Variants in COL4A1 observed in about 807,000 individuals in gnomAD.
COL4A1 encodes the protein collagen alpha-1(IV) chain.
Under a neutral mutation model 216.6 loss-of-function variants are expected in COL4A1, and 40 were observed. The observed-to-expected ratio is 0.18, with a 90% confidence interval of 0.14 to 0.24. The LOEUF (loss-of-function observed/expected upper bound fraction) is 0.24. Ranked by LOEUF, COL4A1 falls within the 10% of genes least tolerant of loss-of-function variation. COL4A1 has a pLI of 1.00. For missense variants in COL4A1, 1,628 were observed against 2,196.8 expected, an observed-to-expected ratio of 0.74 and a Z score of 5.18; for synonymous variants, 839 against 810.7, an observed-to-expected ratio of 1.03 and a Z score of -0.59.
At chr13:110,261,002 G>C (rs533248864) in intron 1 of COL4A1, among the ~76,000 whole-genome samples, 5 of 128,126 alleles carry the variant, frequency 3.9e-5, no homozygotes, top group Admixed American at 2.9e-4. Context: ...GCGCCACTGC[G>C]CTCCAGCCTG....
chr13:110,218,100 A>T (rs1052689322), intron 2 of COL4A1, among the ~76,000 whole-genome samples: 6 of 152,200 alleles, frequency 3.9e-5, no homozygotes, highest in African/African-American at 1.4e-4. Flanking sequence ...GCTGAAGTTA[A>T]AATAGCATGA....
At chr13:110,230,868 G>C (rs1881021086) in intron 2 of COL4A1, among the ~76,000 whole-genome samples, 1 of 152,198 alleles carries the variant, frequency 6.6e-6, no homozygotes, top group African/African-American at 2.4e-5. Context: ...TGCTCCCAGG[G>C]CTCCTGATGT....
At position 110,175,588 on chromosome 13, in the gene COL4A1, G is replaced by A. The variant is rs16975470; in HGVS notation, c.3059-231C>T. Among the ~76,000 whole-genome samples the A allele has an allele frequency of 5.3e-5, 8 of 152,162 alleles. No individual in the cohort carries two copies. In the East Asian group the frequency reaches 5.8e-4, roughly 11 times the overall value. ...AGCCACGCTAGGAAATGTCTCTCCC[G>A]TCCTTTAAGACCATCATGTTATAAG... On this transcript the variant is annotated intron_variant, in intron 36 of 51. Coordinates refer to ENST00000375820, the MANE Select transcript of COL4A1 (RefSeq NM_001845.6).
At chr13:110,254,076 A>G (rs929081838) in intron 1 of COL4A1, among the ~76,000 whole-genome samples, 4 of 151,986 alleles carry the variant, frequency 2.6e-5, no homozygotes. Context: ...CCCACCCACA[A>G]CCTTTACTGC....
At chr13:110,205,128 C>G (rs1390176273) in intron 17 of COL4A1, among the ~76,000 whole-genome samples, 1 of 151,904 alleles carries the variant, frequency 6.6e-6, no homozygotes, top group Admixed American at 6.5e-5. Context: ...AATCTACTAC[C>G]AAAAAAAGAT....
chr13:110,281,183 T>C (rs1883621723), intron 1 of COL4A1, among the ~76,000 whole-genome samples: 1 of 152,198 alleles, frequency 6.6e-6, no homozygotes. Flanking sequence ...TTTTCTTCTC[T>C]TGGGATAACA....
intron 20 of COL4A1, 78 bp downstream of exon 20, chr13:110,200,776 G>A: frequency 7.0e-7 from 1 of 1,422,214 alleles, no homozygotes; most frequent in Non-Finnish European, 9.9e-7. Context: ...TAACATTCGT[G>A]ATAAATTATA....
At chr13:110,281,860 T>C (rs954340797) in intron 1 of COL4A1, among the ~76,000 whole-genome samples, 1 of 152,234 alleles carries the variant, frequency 6.6e-6, no homozygotes, top group African/African-American at 2.4e-5. Context: ...CACACAGTTC[T>C]GTGGATGTTT....
In COL4A1 at chr13:110,181,283, G is replaced by C; in HGVS notation, c.2193+9C>G. On this transcript the variant is annotated intron_variant, in intron 29 of 51. Coordinates refer to ENST00000375820, the MANE Select transcript of COL4A1 (RefSeq NM_001845.6). Reference sequence around the variant, plus strand: ...GAGAAGGGTCATGGAGGGAATGCTTGGCACTCACCTTCTGGCCCTGCACAC... The same window carrying C: ...GAGAAGGGTCATGGAGGGAATGCTTCGCACTCACCTTCTGGCCCTGCACAC... 6.2e-7 allele frequency: 1 copy of C among 1,613,074 alleles called. No individual in the cohort carries two copies. The highest frequency in any genetic ancestry group is 1.1e-5 in the South Asian group (1 of 91,038).
At position 110,267,599 on chromosome 13, in the gene COL4A1, G is replaced by A. The variant is rs995080709; in HGVS notation, c.85-24865C>T. Among the ~76,000 whole-genome samples the A allele has an allele frequency of 2.0e-5, 3 of 152,104 alleles. No homozygotes were observed. The East Asian group carries it at 5.8e-4, about 29-fold the overall frequency. On this transcript the variant is annotated intron_variant, in intron 1 of 51. Coordinates refer to ENST00000375820, the MANE Select transcript of COL4A1 (RefSeq NM_001845.6). ...ATCCAAGCACCCAAAACAGGGGCTG[G>A]GCTCTGTACTCTTCAGGTTTTCAGT...
At chr13:110,191,527 C>T (rs1036795121) in intron 24 of COL4A1, 2 of 535,776 alleles carry the variant, frequency 3.7e-6, no homozygotes, top group Admixed American at 3.5e-5. Context: ...TATTATTATG[C>T]TCTTCTATTT....
At chr13:110,184,568 G>A (rs991142623) in intron 26 of COL4A1, among the ~76,000 whole-genome samples, 2 of 152,322 alleles carry the variant, frequency 1.3e-5, no homozygotes, top group African/African-American at 4.8e-5. Flanking sequence ...AGTACTCACT[G>A]ATTATACCAA....
intron 1 of COL4A1, among the ~76,000 whole-genome samples, chr13:110,291,281 T>C (rs115478563): frequency 6.6e-6 from 1 of 152,206 alleles, no homozygotes; most frequent in African/African-American, 2.4e-5. Context: ...ATCTTGTCTT[T>C]TCATTTCTTC....
At chr13:110,278,187 T>G (rs1883498031) in intron 1 of COL4A1, among the ~76,000 whole-genome samples, 2 of 152,202 alleles carry the variant, frequency 1.3e-5, no homozygotes, top group South Asian at 4.1e-4. Context: ...AAAGGTGAAG[T>G]GAGTTTCAAG....
intron 46 of COL4A1, among the ~76,000 whole-genome samples, chr13:110,164,601 C>A (rs1365112662): frequency 6.6e-6 from 1 of 152,156 alleles, no homozygotes. Flanking sequence ...GTTCTTTGAG[C>A]CCATGTTTTT....
chr13:110,231,445 G>A (rs902839513), intron 2 of COL4A1, among the ~76,000 whole-genome samples: 9 of 152,192 alleles, frequency 5.9e-5, no homozygotes, highest in Admixed American at 5.9e-4. Context: ...TGAGCTTTTG[G>A]GGCCTGCGAA....
chr13:110,233,817 T>C (rs1050782345), intron 2 of COL4A1, among the ~76,000 whole-genome samples: 1 of 152,214 alleles, frequency 6.6e-6, no homozygotes, highest in African/African-American at 2.4e-5. Flanking sequence ...CACTACCTAA[T>C]GGCCCTGCCA....
At chr13:110,179,527 G>A (rs754379143) in intron 29 of COL4A1, 106 bp from the exon 30 acceptor site, 31 of 1,503,610 alleles carry the variant, frequency 2.1e-5, no homozygotes, top group Non-Finnish European at 2.7e-5. Flanking sequence ...AATGCATTTA[G>A]TAAGAATATT....
intron 2 of COL4A1, among the ~76,000 whole-genome samples, chr13:110,219,816 A>ATGTATATATGTGTATATG (rs1880334537): frequency 7.5e-6 from 1 of 133,286 alleles, no homozygotes; most frequent in African/African-American, 2.8e-5. Flanking sequence ...ATGTGTATAT[A>ATGTATATATGTGTATATG]TGTATATATA....
Sources: allele counts gnomAD v4.1 joint callset (sites outside exome capture counted in the v4.1 genomes callset), GRCh38; gene constraint gnomAD v4.1.1; transcripts MANE v1.5; gene names NCBI Gene and HGNC (gene_info 2026-07-23, HGNC 2026-07-21).